Variants in IMMP2L observed in about 807,000 individuals in gnomAD.
IMMP2L encodes mitochondrial inner membrane protease subunit 2.
IMMP2L carries 18 observed loss-of-function variants against 19.3 expected under a neutral mutation model. The observed-to-expected ratio is 0.93, with a 90% CI of 0.64 to 1.38. The LOEUF (loss-of-function observed/expected upper bound fraction) is 1.38, where lower values mean the gene tolerates loss of function less well. IMMP2L is among the 40% of genes most tolerant of loss of function. The probability of loss-of-function intolerance (pLI) is 0.00; values close to 1 mark genes in which losing one functional copy is unlikely to be tolerated. For missense variants in IMMP2L, 233 were observed against 218.2 expected, an observed-to-expected ratio of 1.07 and a Z score of -0.43; for synonymous variants, 76 against 73.0, an observed-to-expected ratio of 1.04 and a Z score of -0.21.
intron 3 of IMMP2L, among the ~76,000 whole-genome samples, chr7:111,038,267 G>C (rs1791544489): frequency 6.6e-6 from 1 of 151,986 alleles, no homozygotes; most frequent in South Asian, 2.1e-4. Context: ...TCACAATTTG[G>C]GGGTGGTAAA....
Position 111,452,393 on chromosome 7 carries a change from C to T in IMMP2L, c.239+34845G>A, listed in dbSNP as rs142702590. On this transcript the variant is annotated intron_variant, in intron 3 of 5. Coordinates refer to ENST00000405709, the MANE Select transcript of IMMP2L (RefSeq NM_032549.4). ...ATTCCCTAAGCAAACCATAGTTACA[C>T]AAAATTGTCCTGAGATTCCTATGAA... Among the ~76,000 whole-genome samples the T allele has an allele frequency of 1.4e-4, 21 of 152,234 alleles. No individual in the cohort carries two copies. In the East Asian group the frequency reaches 3.9e-3, roughly 28 times the overall value.
chr7:111,000,387 G>A (rs1180050457), intron 3 of IMMP2L, among the ~76,000 whole-genome samples: 1 of 152,132 alleles, frequency 6.6e-6, no homozygotes, highest in African/African-American at 2.4e-5. Context: ...AACACCCCTT[G>A]CTTTCAGAGC....
intron 3 of IMMP2L, among the ~76,000 whole-genome samples, chr7:111,412,467 A>G (rs1338507443): frequency 1.3e-5 from 2 of 151,926 alleles, no homozygotes; most frequent in Non-Finnish European, 2.9e-5. Flanking sequence ...AAAGGAGTTA[A>G]AACGGAAATC....
chr7:110,692,110 C>A (rs1793545109), intron 5 of IMMP2L, among the ~76,000 whole-genome samples: 1 of 152,062 alleles, frequency 6.6e-6, no homozygotes, highest in South Asian at 2.1e-4. Flanking sequence ...TGTAAACATA[C>A]ACACTCCCCC....
At chr7:111,082,287 T>C (rs1015136193) in intron 3 of IMMP2L, among the ~76,000 whole-genome samples, 2 of 152,186 alleles carry the variant, frequency 1.3e-5, no homozygotes, top group African/African-American at 2.4e-5. Context: ...GAATTAAGAA[T>C]AGGTCAGAAG....
chr7:110,904,510 T>C (rs1206784865), intron 4 of IMMP2L, among the ~76,000 whole-genome samples: 1 of 152,216 alleles, frequency 6.6e-6, no homozygotes, highest in Non-Finnish European at 1.5e-5. Context: ...AGAGAATACC[T>C]TTCCCCATTG....
At position 110,902,479 on chromosome 7, in the gene IMMP2L, A is replaced by AATATATATATATATATATATATAT. The variant is rs67367468; in HGVS notation, c.306-15785_306-15784insATATATATATATATATATATATAT. Among the ~76,000 whole-genome samples the AATATATATATATATATATATATAT allele has an allele frequency of 1.9e-3, 267 of 140,432 alleles. 3 individuals carry two copies. Among genetic ancestry groups the AATATATATATATATATATATATAT allele is most frequent in the African/African-American group, 6.7e-3 (246 of 36,912 alleles). The allele number at this position is 140,432 out of a possible 152,430, so 92.1% of individuals were successfully genotyped here. A position where few individuals can be genotyped will look rare whatever the true frequency, so the allele number is the denominator to read the frequency against. On this transcript the variant is annotated intron_variant, in intron 4 of 5. Coordinates refer to ENST00000405709, the MANE Select transcript of IMMP2L (RefSeq NM_032549.4). ...AATATAAATATGTCATGAATGATAA[A>AATATATATATATATATATATATAT]ATATATATATATATATATATATAGT...
chr7:110,939,751 G>A (rs375805957), intron 4 of IMMP2L, among the ~76,000 whole-genome samples: 2 of 152,124 alleles, frequency 1.3e-5, no homozygotes, highest in East Asian at 3.9e-4. Flanking sequence ...TGGGTATCTC[G>A]CTGTATTCAT....
In IMMP2L at chr7:111,388,366, C is replaced by A. The variant is rs571105073; in HGVS notation, c.239+98872G>T. 1.4e-4 allele frequency among the ~76,000 whole-genome samples: 21 copies of A among 151,970 alleles called. 1 individual carries two copies. The highest frequency in any genetic ancestry group is 8.3e-4 in the South Asian group (4 of 4,804). ...AGGTTTTCTAATGTTGGAGAAGGAA[C>A]CTACAAGTACAAAAAGGGGAAGGAA... On this transcript the variant is annotated intron_variant, in intron 3 of 5. Coordinates refer to ENST00000405709, the MANE Select transcript of IMMP2L (RefSeq NM_032549.4).
At chr7:110,928,771 C>T (rs147059204) in intron 4 of IMMP2L, among the ~76,000 whole-genome samples, 84 of 152,236 alleles carry the variant, frequency 5.5e-4, no homozygotes, top group African/African-American at 2.0e-3. Flanking sequence ...GCTCTATAAA[C>T]TTGCTGAATC....
At chr7:111,198,628 C>T (rs1562916438) in intron 3 of IMMP2L, among the ~76,000 whole-genome samples, 1 of 152,178 alleles carries the variant, frequency 6.6e-6, no homozygotes, top group Non-Finnish European at 1.5e-5. Context: ...ATTCATGCTA[C>T]TTCTACAAAT....
At chr7:111,022,517 C>T (rs1457220514) in intron 3 of IMMP2L, among the ~76,000 whole-genome samples, 2 of 152,154 alleles carry the variant, frequency 1.3e-5, no homozygotes, top group Non-Finnish European at 2.9e-5. Context: ...ACTTTTGAAA[C>T]TCTACTCCTC....
chr7:111,252,412 C>G (rs1331585793), intron 3 of IMMP2L, among the ~76,000 whole-genome samples: 1 of 152,024 alleles, frequency 6.6e-6, no homozygotes, highest in Non-Finnish European at 1.5e-5. Context: ...AAAATGGATT[C>G]AACAGATACA....
At chr7:111,030,228 A>C (rs1827264583) in intron 3 of IMMP2L, among the ~76,000 whole-genome samples, 1 of 152,142 alleles carries the variant, frequency 6.6e-6, no homozygotes, top group Non-Finnish European at 1.5e-5. Flanking sequence ...ATTGTTTTAA[A>C]TATTAGTCAC....
intron 3 of IMMP2L, among the ~76,000 whole-genome samples, chr7:111,209,415 A>AC (rs1424604585): frequency 6.6e-6 from 1 of 151,520 alleles, no homozygotes; most frequent in Non-Finnish European, 1.5e-5. Flanking sequence ...AAAAAAAAAA[A>AC]AGTAAAAACT....
At position 110,873,641 on chromosome 7, in the gene IMMP2L, G is replaced by C. The variant is rs181947342; in HGVS notation, c.408+12952C>G. On this transcript the variant is annotated intron_variant, in intron 5 of 5. Transcript: ENST00000405709. ...AAAAAAAAATTAGCCAGGCATGGTG[G>C]CACACACCTGTAATCCCAGCTACTC... is the stretch of plus-strand genomic sequence containing the variant. 9.8e-3 allele frequency among the ~76,000 whole-genome samples: 1,478 copies of C among 151,278 alleles called. 31 individuals carry two copies. The highest frequency in any genetic ancestry group is 0.034 in the African/African-American group (1,420 of 41,286).
chr7:111,103,003 A>G (rs1260482069), intron 3 of IMMP2L, among the ~76,000 whole-genome samples: 1 of 151,584 alleles, frequency 6.6e-6, no homozygotes, highest in Non-Finnish European at 1.5e-5. Flanking sequence ...ATTGCTGACA[A>G]TAACATGGTC....
At chr7:110,674,990 T>G (rs1562907642) in intron 5 of IMMP2L, among the ~76,000 whole-genome samples, 1 of 152,214 alleles carries the variant, frequency 6.6e-6, no homozygotes, top group Non-Finnish European at 1.5e-5. Flanking sequence ...TATCCATTTG[T>G]TCCTGACCAA....
At chr7:111,548,374 G>A (rs553452592) in intron 1 of IMMP2L, among the ~76,000 whole-genome samples, 1 of 152,142 alleles carries the variant, frequency 6.6e-6, no homozygotes, top group African/African-American at 2.4e-5. Context: ...TTATTTGCTG[G>A]TGACAATTCC....
Sources: gnomAD v4.1 joint callset for allele counts (sites outside exome capture counted in the v4.1 genomes callset) on GRCh38, gnomAD v4.1.1 for gene constraint, MANE v1.5 for transcripts, NCBI Gene and HGNC (gene_info 2026-07-23, HGNC 2026-07-21) for gene names.